The following NBEAL1 variants were observed in gnomAD, a reference collection of about 807,000 sequenced individuals.
NBEAL1 encodes neurobeachin-like protein 1.
Under a neutral mutation model 351.3 loss-of-function variants are expected in NBEAL1, and 273 were observed. That is an observed-to-expected ratio of 0.78 (90% CI 0.70 to 0.86). NBEAL1 has a LOEUF of 0.86. Ranked by LOEUF, NBEAL1 falls within the 40% of genes least tolerant of loss-of-function variation. The pLI is 0.00. For missense variants in NBEAL1, 2,961 were observed against 3,201.3 expected (o/e 0.92, Z 1.81); for synonymous variants, 1,050 against 1,086.4 (o/e 0.97, Z 0.66).
At chr2:203,038,639 CT>C (rs1305111123) in intron 2 of NBEAL1, among the ~76,000 whole-genome samples, 1 of 148,714 alleles carries the variant, frequency 6.7e-6, no homozygotes, top group African/African-American at 2.4e-5. Context: ...TTTCCATTTT[CT>C]TTTTTCTTTA....
chr2:203,103,367 G>A (rs758901804), intron 12 of NBEAL1, among the ~76,000 whole-genome samples: 10 of 151,650 alleles, frequency 6.6e-5, no homozygotes, highest in East Asian at 1.9e-4. Flanking sequence ...TCCGCCTCCC[G>A]GGTTCAAGCA....
In NBEAL1 at chr2:203,183,349, A is replaced by G; in HGVS notation, c.6666A>G (p.Lys2222=). ...ATGTCATTCTCCCGAAATGGGCTAA[A>G]TCAGCTGAAGATTTCATCTATAAAC... The part of the protein sequence containing the change: ...VNDVILPKWA[K]SAEDFIYKHR... The change falls in exon 44 of 56, where the codon AAA becomes AAG. Residue 2222 remains lysine (K), a synonymous_variant. Coordinates refer to ENST00000683969, the MANE Select transcript of NBEAL1 (RefSeq NM_001378026.1). The G allele has an allele frequency of 1.3e-6, 2 of 1,598,590 alleles. No individual in the cohort carries two copies. The highest frequency in any genetic ancestry group is 1.7e-6 in the Non-Finnish European group (2 of 1,172,950).
At chr2:203,039,610 T>C (rs1376673917) in intron 2 of NBEAL1, among the ~76,000 whole-genome samples, 1 of 152,042 alleles carries the variant, frequency 6.6e-6, no homozygotes, top group Non-Finnish European at 1.5e-5. Flanking sequence ...GCCAGGCTCG[T>C]CTCAAACCCC....
chr2:203,046,208 A>ATATTTATTTATT (rs80181126), intron 3 of NBEAL1, among the ~76,000 whole-genome samples: 2 of 148,686 alleles, frequency 1.3e-5, no homozygotes, highest in South Asian at 2.2e-4. Flanking sequence ...ACAACAGTAG[A>ATATTTATTTATT]TATTTATTTA....
intron 2 of NBEAL1, among the ~76,000 whole-genome samples, chr2:203,039,299 CT>C (rs1212034625): frequency 3.0e-5 from 1 of 33,358 alleles, no homozygotes; most frequent in Non-Finnish European, 5.9e-5. Flanking sequence ...TCCCCTCCCC[CT>C]GGCCCTCCCC....
intron 10 of NBEAL1, among the ~76,000 whole-genome samples, chr2:203,095,017 A>T (rs530170243): frequency 6.6e-6 from 1 of 152,114 alleles, no homozygotes; most frequent in Admixed American, 6.5e-5. Flanking sequence ...CCAGCCACTC[A>T]GGAGGCTGAG....
Position 203,166,311 on chromosome 2 carries a change from G to GA in NBEAL1, c.5863+20dup, listed in dbSNP as rs1310087620. 1.3e-6 allele frequency: 2 copies of GA among 1,589,736 alleles called. No homozygotes were observed. Among genetic ancestry groups the GA allele is most frequent in the Admixed American group, 1.9e-5 (1 of 51,898 alleles). ...AAAAAGAAGATGGTGAGGAGTTCTG[G>GA]AAAAAATAATTTTTGCTGTTCAATA... On this transcript the variant is annotated intron_variant, in intron 37 of 55. Coordinates refer to ENST00000683969, the MANE Select transcript of NBEAL1 (RefSeq NM_001378026.1).
chr2:203,111,603 C>A (rs1429602676), intron 15 of NBEAL1, among the ~76,000 whole-genome samples: 1 of 151,810 alleles, frequency 6.6e-6, no homozygotes. Context: ...AACTCCTGAT[C>A]CGCCCACCTC....
chr2:203,143,098 T>G (rs2063421698), intron 31 of NBEAL1, among the ~76,000 whole-genome samples: 1 of 152,184 alleles, frequency 6.6e-6, no homozygotes, highest in Non-Finnish European at 1.5e-5. Flanking sequence ...TTTTATTTAT[T>G]TGGGAAGTAA....
In NBEAL1 at chr2:203,167,305, C is replaced by T; in HGVS notation, c.5942C>T (p.Ala1981Val). The T allele has an allele frequency of 6.2e-7, 1 of 1,612,834 alleles. No homozygotes were observed. Among genetic ancestry groups the T allele is most frequent in the East Asian group, 2.2e-5 (1 of 44,754 alleles). Residue 1981 changes from alanine (A) to valine (V), a missense_variant, in exon 38 of 56, where the codon GCC becomes GTC. Coordinates refer to ENST00000683969, the MANE Select transcript of NBEAL1 (RefSeq NM_001378026.1). ...CGGCGTTACAATTTAAGAAGATCAG[C>T]CCTTGAGATTTTTCATGTTGACCAA... ...HLRRYNLRRS[A>V]LEIFHVDQSN... is the part of the protein sequence containing the mutation.
At chr2:203,092,662 C>G (rs116039443) in intron 10 of NBEAL1, among the ~76,000 whole-genome samples, 3,931 of 152,280 alleles carry the variant, frequency 0.026, 164 homozygotes, top group African/African-American at 0.088. Context: ...GAAACTACTT[C>G]AAAGAGCTTT....
At chr2:203,126,763 T>G (rs1163676601) in intron 22 of NBEAL1, 47 bp downstream of exon 22, 3 of 1,521,172 alleles carry the variant, frequency 2.0e-6, no homozygotes, top group Non-Finnish European at 1.8e-6. Flanking sequence ...TTTTAGAAAT[T>G]TATAACTACC....
At position 203,127,929 on chromosome 2, in the gene NBEAL1, G is replaced by A. The variant is rs1171211422; in HGVS notation, c.3397G>A (p.Glu1133Lys). Residue 1133 changes from glutamate to lysine, a missense_variant, in exon 24 of 56, where the codon GAA becomes AAA. By Grantham distance (56) the Glu-to-Lys change is moderately conservative (BLOSUM62 1). Transcript: ENST00000683969. ...GGGGTACATAGCTGCTACTAATGAA[G>A]AAGAACAGGTATTATGCCTAAGATA... ...IMGYIAATNE[E>K]EQLFGILDVL... 1 of 1,548,910 alleles carries A rather than the reference G, an allele frequency of 6.5e-7. No homozygotes were observed. Among genetic ancestry groups the A allele is most frequent in the Admixed American group, 2.0e-5 (1 of 50,760 alleles).
intron 42 of NBEAL1, among the ~76,000 whole-genome samples, chr2:203,178,513 A>G (rs1013015118): frequency 2.0e-5 from 3 of 152,226 alleles, no homozygotes; most frequent in Non-Finnish European, 4.4e-5. Context: ...ACAAGTGTCC[A>G]TCTACTGATA....
At chr2:203,141,743 T>C (rs1056369067) in intron 31 of NBEAL1, among the ~76,000 whole-genome samples, 6 of 152,084 alleles carry the variant, frequency 3.9e-5, no homozygotes, top group African/African-American at 1.4e-4. Context: ...CACTAGCCTA[T>C]TGTGTAATTT....
chr2:203,028,476 CT>C (rs944269490), intron 2 of NBEAL1, among the ~76,000 whole-genome samples: 1 of 151,744 alleles, frequency 6.6e-6, no homozygotes, highest in Non-Finnish European at 1.5e-5. Flanking sequence ...TATTCAGAGA[CT>C]TTTAGTTCTT....
intron 12 of NBEAL1, among the ~76,000 whole-genome samples, chr2:203,100,070 A>G (rs1190786783): frequency 1.3e-5 from 2 of 152,198 alleles, no homozygotes; most frequent in African/African-American, 2.4e-5. Flanking sequence ...TGCAAAGGAT[A>G]TGAGGATATG....
intron 6 of NBEAL1, among the ~76,000 whole-genome samples, chr2:203,058,343 G>A (rs182237525): frequency 4.7e-4 from 71 of 152,208 alleles, no homozygotes; most frequent in African/African-American, 1.7e-3. Context: ...CTCACACTTG[G>A]TATTTTAAAA....
At chr2:203,063,112 A>G (rs888426687) in intron 6 of NBEAL1, among the ~76,000 whole-genome samples, 6 of 152,216 alleles carry the variant, frequency 3.9e-5, no homozygotes, top group African/African-American at 1.4e-4. Context: ...TCTGTTATCA[A>G]TTTTGATTCT....
Sources: allele counts gnomAD v4.1 joint callset (sites outside exome capture counted in the v4.1 genomes callset), GRCh38; gene constraint gnomAD v4.1.1; transcripts MANE v1.5; gene names NCBI Gene and HGNC (gene_info 2026-07-23, HGNC 2026-07-21).